GRIN2A: variants seen among roughly 807,000 people sequenced by gnomAD.
The protein encoded by GRIN2A is glutamate receptor ionotropic, NMDA 2A.
In GRIN2A, 22 loss-of-function variants were observed where a neutral mutation model predicts 113.4. The ratio of observed to expected loss-of-function variants is 0.19; its 90% confidence interval spans 0.14 to 0.28. The LOEUF (loss-of-function observed/expected upper bound fraction) is 0.28, where lower values mean the gene tolerates loss of function less well. GRIN2A is among the 10% of genes least tolerant of loss of function. The pLI, the probability that GRIN2A is intolerant of heterozygous loss-of-function variation, is 1.00. For missense variants in GRIN2A, 1,502 were observed against 1,887.0 expected (o/e 0.80, Z 3.78); for synonymous variants, 827 against 738.4 (o/e 1.12, Z -1.94).
chr16:9,973,188 AG>A (rs2045708339), intron 2 of GRIN2A, among the ~76,000 whole-genome samples: 1 of 152,190 alleles, frequency 6.6e-6, no homozygotes. Context: ...GGAGGTTTAG[AG>A]TCTTGCAGCC....
At chr16:9,816,019 T>C (rs950047940) in intron 10 of GRIN2A, among the ~76,000 whole-genome samples, 3 of 152,120 alleles carry the variant, frequency 2.0e-5, no homozygotes, top group African/African-American at 7.2e-5. Flanking sequence ...AAAAGACAAA[T>C]ACCGTATGAT....
At chr16:10,004,948 G>C (rs909173881) in intron 2 of GRIN2A, among the ~76,000 whole-genome samples, 1 of 152,204 alleles carries the variant, frequency 6.6e-6, no homozygotes, top group South Asian at 2.1e-4. Context: ...GGAAAGGAAA[G>C]ACAATTTTAA....
intron 2 of GRIN2A, among the ~76,000 whole-genome samples, chr16:10,027,996 G>C (rs1282881844): frequency 2.0e-5 from 3 of 152,164 alleles, no homozygotes; most frequent in Non-Finnish European, 2.9e-5. Flanking sequence ...AGAACAGTGC[G>C]GGAGGTTGGG....
At chr16:9,965,891 T>G (rs2045548051) in intron 2 of GRIN2A, among the ~76,000 whole-genome samples, 3 of 152,230 alleles carry the variant, frequency 2.0e-5, no homozygotes, top group Admixed American at 1.3e-4. Context: ...TGTGGCCTCT[T>G]GGTTTGCCAA....
At chr16:10,137,740 T>C (rs980623827) in intron 2 of GRIN2A, among the ~76,000 whole-genome samples, 1 of 152,164 alleles carries the variant, frequency 6.6e-6, no homozygotes, top group Non-Finnish European at 1.5e-5. Flanking sequence ...ATGGGGGTAA[T>C]TGTAGGGTTA....
intron 2 of GRIN2A, among the ~76,000 whole-genome samples, chr16:9,991,207 T>A (rs968812969): frequency 6.6e-6 from 1 of 152,234 alleles, no homozygotes. Context: ...TCAGATTTAA[T>A]GCTTCCAACG....
chr16:10,016,574 G>A (rs1437257885), intron 2 of GRIN2A, among the ~76,000 whole-genome samples: 1 of 152,224 alleles, frequency 6.6e-6, no homozygotes, highest in African/African-American at 2.4e-5. Flanking sequence ...CTCCTATCTG[G>A]CATAGCATCC....
At chr16:9,835,398 C>G (rs746736608) in intron 7 of GRIN2A, among the ~76,000 whole-genome samples, 1 of 152,092 alleles carries the variant, frequency 6.6e-6, no homozygotes, top group Non-Finnish European at 1.5e-5. Flanking sequence ...CCTTGTAACA[C>G]TCTAGAAAGG....
At chr16:10,022,746 A>T (rs192565615) in intron 2 of GRIN2A, among the ~76,000 whole-genome samples, 1 of 152,202 alleles carries the variant, frequency 6.6e-6, no homozygotes, top group Admixed American at 6.5e-5. Flanking sequence ...CCATAAATAT[A>T]TATTCCCACA....
intron 2 of GRIN2A, among the ~76,000 whole-genome samples, chr16:10,037,900 T>C (rs1291890522): frequency 1.3e-5 from 2 of 152,150 alleles, no homozygotes; most frequent in African/African-American, 2.4e-5. Flanking sequence ...ATTACAGGCA[T>C]GAATCATTGT....
chr16:10,049,600 A>G (rs190643560), intron 2 of GRIN2A, among the ~76,000 whole-genome samples: 267 of 152,258 alleles, frequency 1.8e-3, no homozygotes, highest in African/African-American at 5.7e-3. Context: ...GCTGGTCTCG[A>G]ACTCCTGACA....
chr16:10,058,434 G>A (rs1415719616), intron 2 of GRIN2A, among the ~76,000 whole-genome samples: 1 of 152,174 alleles, frequency 6.6e-6, no homozygotes, highest in East Asian at 1.9e-4. Context: ...CACAAGATCT[G>A]TGCTGTGTCT....
At chr16:9,876,649 C>T (rs560472906) in intron 4 of GRIN2A, among the ~76,000 whole-genome samples, 19 of 152,240 alleles carry the variant, frequency 1.2e-4, no homozygotes, top group African/African-American at 4.1e-4. Flanking sequence ...ATCTCTGCTT[C>T]GCCTGTACCT....
At position 10,011,458 on chromosome 16, in the gene GRIN2A, C is replaced by T. The variant is rs556015433; in HGVS notation, c.415-72907G>A. Among the ~76,000 whole-genome samples the T allele has an allele frequency of 2.8e-4, 43 of 152,200 alleles. No homozygotes were observed. The East Asian group carries it at 6.6e-3, about 23-fold the overall frequency. On this transcript the variant is annotated intron_variant, in intron 2 of 12. Coordinates refer to ENST00000330684, the MANE Select transcript of GRIN2A (RefSeq NM_001134407.3). ...TTGCCTTGGTGGGTCCATCAGTCTA[C>T]GTGTCTACTCTCCCAGGGCCAAGGC...
chr16:10,019,577 C>T (rs1362307174), intron 2 of GRIN2A, among the ~76,000 whole-genome samples: 1 of 152,204 alleles, frequency 6.6e-6, no homozygotes, highest in African/African-American at 2.4e-5. Flanking sequence ...TTTATCTACC[C>T]AAGGCTAGAA....
intron 2 of GRIN2A, among the ~76,000 whole-genome samples, chr16:10,058,560 G>C (rs893310465): frequency 1.2e-4 from 18 of 152,182 alleles, no homozygotes; most frequent in African/African-American, 3.9e-4. Flanking sequence ...AAATCAGACA[G>C]CTGCTATTAC....
At chr16:9,995,417 C>G (rs1227818316) in intron 2 of GRIN2A, among the ~76,000 whole-genome samples, 1 of 152,170 alleles carries the variant, frequency 6.6e-6, no homozygotes, top group Non-Finnish European at 1.5e-5. Context: ...TTAATCCCCT[C>G]AGGTTTAATA....
At chr16:9,872,056 A>G (rs2141428296) in intron 4 of GRIN2A, among the ~76,000 whole-genome samples, 1 of 152,326 alleles carries the variant, frequency 6.6e-6, no homozygotes, top group African/African-American at 2.4e-5. Flanking sequence ...AGGATTTTGT[A>G]TGAGTTAAGA....
At chr16:9,814,097 T>G (rs1475698383) in intron 10 of GRIN2A, among the ~76,000 whole-genome samples, 4 of 152,222 alleles carry the variant, frequency 2.6e-5, no homozygotes, top group African/African-American at 9.6e-5. Flanking sequence ...TGAACCAGTT[T>G]CTTTTGAGCA....
Sources: gnomAD v4.1 joint callset for allele counts (sites outside exome capture counted in the v4.1 genomes callset) on GRCh38, gnomAD v4.1.1 for gene constraint, MANE v1.5 for transcripts, NCBI Gene and HGNC (gene_info 2026-07-23, HGNC 2026-07-21) for gene names.